The following DIP2C variants were observed in gnomAD, a reference collection of about 807,000 sequenced individuals.
DIP2C encodes DIP2 acetate--CoA ligase C (putative), also known as disco-interacting protein 2 homolog C.
Under a neutral mutation model 192.4 loss-of-function variants are expected in DIP2C, and 33 were observed. That is an observed-to-expected ratio of 0.17 (90% confidence interval 0.13 to 0.23). The LOEUF is 0.23. Ranked by LOEUF, DIP2C falls within the 10% of genes least tolerant of loss-of-function variation. The pLI is 1.00. For missense variants in DIP2C, 1,537 were observed against 2,110.1 expected, an observed-to-expected ratio of 0.73 and a Z score of 5.32; for synonymous variants, 979 against 864.1, an observed-to-expected ratio of 1.13 and a Z score of -2.33.
intron 1 of DIP2C, among the ~76,000 whole-genome samples, chr10:581,901 C>T (rs949268680): frequency 2.0e-5 from 3 of 152,140 alleles, no homozygotes; most frequent in East Asian, 3.8e-4. Context: ...TTGGCACCAG[C>T]GATGGGTTTA....
intron 1 of DIP2C, among the ~76,000 whole-genome samples, chr10:616,983 TAAGGA>T (rs1205671845): frequency 6.6e-6 from 1 of 151,952 alleles, no homozygotes; most frequent in Non-Finnish European, 1.5e-5. Context: ...CTCCGTGATT[TAAGGA>T]AAGAAAGCCA....
chr10:613,837 C>G (rs536227733), intron 1 of DIP2C, among the ~76,000 whole-genome samples: 26 of 149,184 alleles, frequency 1.7e-4, no homozygotes, highest in African/African-American at 6.3e-4. Context: ...TTTCCACACA[C>G]CCCTGCTTTG....
intron 1 of DIP2C, among the ~76,000 whole-genome samples, chr10:658,816 T>A (rs1856570725): frequency 6.6e-6 from 1 of 152,252 alleles, no homozygotes; most frequent in African/African-American, 2.4e-5. Context: ...GCATCAGGCG[T>A]GTTTACCTAA....
At chr10:628,877 CA>C (rs1854349012) in intron 1 of DIP2C, 1 of 152,506 alleles carries the variant, frequency 6.6e-6, no homozygotes, top group African/African-American at 2.4e-5. Flanking sequence ...CACCAGATGC[CA>C]GGGGCACCCC....
At chr10:392,814 GCGCACA>G (rs963901546) in intron 10 of DIP2C, among the ~76,000 whole-genome samples, 1 of 142,532 alleles carries the variant, frequency 7.0e-6, no homozygotes, top group African/African-American at 2.9e-5. Flanking sequence ...CGCACACTCA[GCGCACA>G]CACACACACA....
intron 1 of DIP2C, among the ~76,000 whole-genome samples, chr10:506,716 A>G (rs915971306): frequency 6.6e-6 from 1 of 152,002 alleles, no homozygotes; most frequent in Admixed American, 6.6e-5. Context: ...ACAACATTCT[A>G]TTTGCCGGCC....
chr10:388,040 C>T (rs1232834874), intron 13 of DIP2C, among the ~76,000 whole-genome samples: 1 of 152,072 alleles, frequency 6.6e-6, no homozygotes, highest in African/African-American at 2.4e-5. Context: ...GTTAGCTCTC[C>T]ACACTGCACC....
intron 1 of DIP2C, among the ~76,000 whole-genome samples, chr10:617,982 G>A (rs1281359358): frequency 1.3e-5 from 2 of 152,182 alleles, no homozygotes; most frequent in East Asian, 3.9e-4. Context: ...AGCTCCAAGA[G>A]CTTGAGGTCA....
chr10:565,067 G>A (rs753034533), intron 1 of DIP2C, among the ~76,000 whole-genome samples: 3 of 152,134 alleles, frequency 2.0e-5, no homozygotes, highest in Non-Finnish European at 4.4e-5. Context: ...TGGCAAACCA[G>A]GTGCTGTAGG....
chr10:395,168 G>A (rs1031059708), intron 10 of DIP2C, among the ~76,000 whole-genome samples: 1 of 135,656 alleles, frequency 7.4e-6, no homozygotes, highest in East Asian at 2.3e-4. Flanking sequence ...GAGGACATGG[G>A]GAGATGTTGG....
At chr10:427,805 C>G (rs1966691399) in intron 4 of DIP2C, among the ~76,000 whole-genome samples, 1 of 152,182 alleles carries the variant, frequency 6.6e-6, no homozygotes. Flanking sequence ...TCATATACTG[C>G]TGGTGGCAGT....
rs1173182731 is a variant in DIP2C, at chr10:390,245, G to A, written c.1494+19C>T. The A allele has an allele frequency of 6.2e-7, 1 of 1,611,022 alleles. No individual in the cohort carries two copies. The highest frequency in any genetic ancestry group is 1.3e-5 in the African/African-American group (1 of 74,924). ...AAGGCCACACTCAGGGCCAGTGGAG[G>A]AGGCCAAGGCTGACTCACCTCAATA... is the stretch of plus-strand genomic sequence containing the variant. On this transcript the variant is annotated intron_variant, in intron 12 of 36. Coordinates refer to ENST00000280886, the MANE Select transcript of DIP2C (RefSeq NM_014974.3).
chr10:461,603 C>G (rs1969784726), intron 3 of DIP2C, among the ~76,000 whole-genome samples: 1 of 152,140 alleles, frequency 6.6e-6, no homozygotes, highest in Admixed American at 6.5e-5. Flanking sequence ...TTTAACACCC[C>G]AACGTCAGTA....
In DIP2C at chr10:315,892, T is replaced by C. The variant is rs1956755336; in HGVS notation, c.3925-5800A>G. ...TTGTTTTATGCTTAGGTCATTTCTA[T>C]TGGTCAGACTTCAAGTTCATTCAAT... On this transcript the variant is annotated intron_variant, in intron 31 of 36. Coordinates refer to ENST00000280886, the MANE Select transcript of DIP2C (RefSeq NM_014974.3). Among the ~76,000 whole-genome samples the C allele has an allele frequency of 2.6e-5, 4 of 152,332 alleles. No individual in the cohort carries two copies. The South Asian group carries it at 6.2e-4, about 24-fold the overall frequency.
intron 35 of DIP2C, among the ~76,000 whole-genome samples, chr10:281,851 A>T (rs1036650854): frequency 6.6e-6 from 1 of 152,252 alleles, no homozygotes; most frequent in Admixed American, 6.5e-5. Flanking sequence ...CTTAGCTCAT[A>T]GAGCCAGGAA....
At chr10:649,045 C>T (rs56183838) in intron 1 of DIP2C, among the ~76,000 whole-genome samples, 4,696 of 149,662 alleles carry the variant, frequency 0.031, 172 homozygotes, top group Middle Eastern at 0.056. Flanking sequence ...GAAACTGAGT[C>T]CACGTCCACA....
At chr10:436,353 T>C (rs1015937642) in intron 4 of DIP2C, among the ~76,000 whole-genome samples, 7 of 152,256 alleles carry the variant, frequency 4.6e-5, no homozygotes, top group African/African-American at 1.7e-4. Context: ...GCGCAGGCAC[T>C]GCTGGGTCAT....
At chr10:589,787 T>C (rs1368238899) in intron 1 of DIP2C, among the ~76,000 whole-genome samples, 7 of 152,162 alleles carry the variant, frequency 4.6e-5, no homozygotes, top group African/African-American at 1.7e-4. Flanking sequence ...TATGCAGAGG[T>C]GAGGCCTCAA....
intron 13 of DIP2C, among the ~76,000 whole-genome samples, chr10:388,347 T>A (rs936380182): frequency 2.0e-5 from 3 of 152,226 alleles, no homozygotes; most frequent in African/African-American, 7.2e-5. Context: ...TAAAAGCTCG[T>A]GCTTGATGAG....
Sources: allele counts gnomAD v4.1 joint callset (sites outside exome capture counted in the v4.1 genomes callset), GRCh38; gene constraint gnomAD v4.1.1; transcripts MANE v1.5; gene names NCBI Gene and HGNC (gene_info 2026-07-23, HGNC 2026-07-21).